CPEB2: variants seen among roughly 807,000 people sequenced by gnomAD.
The protein encoded by CPEB2 is cytoplasmic polyadenylation element binding protein 2, also known as cytoplasmic polyadenylation element-binding protein 2.
CPEB2 carries 56 observed loss-of-function variants against 93.6 expected under a neutral mutation model. The observed-to-expected ratio is 0.60, with a 90% CI of 0.48 to 0.75. The LOEUF (loss-of-function observed/expected upper bound fraction) is 0.75, where lower values mean the gene tolerates loss of function less well. Ranked by LOEUF, CPEB2 falls within the 30% of genes least tolerant of loss-of-function variation. The pLI is 0.00. For missense variants in CPEB2, 1,579 were observed against 1,395.1 expected, an observed-to-expected ratio of 1.13 and a Z score of -2.10; for synonymous variants, 764 against 586.3, an observed-to-expected ratio of 1.30 and a Z score of -4.38.
rs1051981993 is a variant in CPEB2 at position 15,003,353 on chromosome 4, G to A, written c.680G>A (p.Arg227His). The A allele has an allele frequency of 3.4e-5, 47 of 1,389,534 alleles. No individual in the cohort carries two copies. Among genetic ancestry groups the A allele is most frequent in the Non-Finnish European group, 4.1e-5 (45 of 1,084,852 alleles). 86.1% of individuals were successfully genotyped at this position (1,389,534 alleles called of 1,614,324 possible). ...CTCCAGCCGGCGCAGCTCGCTCAGC[G>A]CCAGCAGCAACAGCCGCCGCAGCAG... ...PLLQPAQLAQRQQQQPPQQFS... is the reference protein window; with the variant it reads ...PLLQPAQLAQHQQQQPPQQFS... The change falls in exon 1 of 12, where the codon CGC (arginine) becomes CAC (histidine). Residue 227 changes from arginine (R) to histidine (H), a missense_variant. Transcript: ENST00000538197.
chr4:15,018,965 T>C (rs1008347149), intron 4 of CPEB2, among the ~76,000 whole-genome samples: 5 of 102,956 alleles, frequency 4.9e-5, no homozygotes, highest in African/African-American at 1.5e-4. Flanking sequence ...TATATATATA[T>C]ATATACACAC....
chr4:15,061,181 A>G (rs1208320965), intron 10 of CPEB2, among the ~76,000 whole-genome samples: 1 of 152,168 alleles, frequency 6.6e-6, no homozygotes, highest in Admixed American at 6.5e-5. Flanking sequence ...AGAGGTCCAC[A>G]CTAGAGATAA....
chr4:15,030,881 C>CTA (rs1216026701), intron 4 of CPEB2, among the ~76,000 whole-genome samples: 1 of 152,002 alleles, frequency 6.6e-6, no homozygotes, highest in Non-Finnish European at 1.5e-5. Flanking sequence ...AGCAGTGAAA[C>CTA]TATTTTATTA....
intron 10 of CPEB2, among the ~76,000 whole-genome samples, chr4:15,059,963 AG>A (rs1426896476): frequency 1.3e-5 from 2 of 152,190 alleles, no homozygotes; most frequent in African/African-American, 4.8e-5. Context: ...TCTACAAAGA[AG>A]TACTATAGGG....
At chr4:15,066,050 T>A in intron 11 of CPEB2, 103 bp from the exon 12 acceptor site, 1 of 987,256 alleles carries the variant, frequency 1.0e-6, no homozygotes, top group Non-Finnish European at 1.5e-6. Flanking sequence ...TTCCTCAGCT[T>A]TTAATGCTGG....
rs779566751 is a variant in CPEB2 at position 15,020,455 on chromosome 4, C to A, written c.2125+3177C>A. ...GCTAAGTGGCAGGTTCCTGACCTAA[C>A]TGAGGACTGGTGATTGTGCTAACAG... On this transcript the variant is annotated intron_variant, in intron 4 of 11. Transcript: ENST00000538197. Among the ~76,000 whole-genome samples the A allele has an allele frequency of 1.2e-4, 18 of 152,126 alleles. 1 individual carries two copies. Among genetic ancestry groups the A allele is most frequent in the Non-Finnish European group, 2.1e-4 (14 of 68,020 alleles).
Position 15,069,548 on chromosome 4 carries a change from T to A in CPEB2, c.*3168T>A, listed in dbSNP as rs897104173. On this transcript the variant is annotated 3_prime_UTR_variant, in exon 12 of 12. Transcript: ENST00000538197. ...TGTTTTGCTAACAAAAGGAGAGACT[T>A]TTTTCATGCATATTTCTATTTTGTT... 1 of 152,244 alleles carries A rather than the reference T, an allele frequency of 6.6e-6. No individual in the cohort carries two copies. The highest frequency in any genetic ancestry group is 1.5e-5 in the Non-Finnish European group (1 of 67,840). The allele number at this position is 152,244 out of a possible 1,614,324, so 9.4% of individuals were successfully genotyped here. A position where few individuals can be genotyped will look rare whatever the true frequency, so the allele number is the denominator to read the frequency against.
chr4:15,015,677 T>A (rs1724046142), intron 3 of CPEB2, among the ~76,000 whole-genome samples: 1 of 152,028 alleles, frequency 6.6e-6, no homozygotes, highest in Non-Finnish European at 1.5e-5. Context: ...TGATGAAAGC[T>A]ATAAACCTTT....
intron 4 of CPEB2, among the ~76,000 whole-genome samples, chr4:15,023,477 CA>C (rs1163489557): frequency 6.6e-6 from 1 of 152,006 alleles, no homozygotes; most frequent in Non-Finnish European, 1.5e-5. Flanking sequence ...ACTTATCTCA[CA>C]AACTAAAATA....
intron 10 of CPEB2, 115 bp downstream of exon 10, chr4:15,059,416 G>A: frequency 1.8e-6 from 1 of 544,400 alleles, no homozygotes; most frequent in South Asian, 3.4e-5. Context: ...AGCAGGAGCA[G>A]ATTCTGCATG....
rs1343512645 is a variant in CPEB2 at position 15,067,638 on chromosome 4, T to C, written c.*1258T>C. On this transcript the variant is annotated 3_prime_UTR_variant, in exon 12 of 12. Transcript: ENST00000538197. Reference sequence around the variant, plus strand: ...TAAAAATCTGAATTTTTTAGAAGAATGCAAAACTTTAGTAAACCCTAAGTA... The same window carrying C: ...TAAAAATCTGAATTTTTTAGAAGAACGCAAAACTTTAGTAAACCCTAAGTA... 1 of 152,388 alleles carries C rather than the reference T, an allele frequency of 6.6e-6. No individual in the cohort carries two copies. Among genetic ancestry groups the C allele is most frequent in the Non-Finnish European group, 1.5e-5 (1 of 67,934 alleles). 9.4% of individuals were successfully genotyped at this position (152,388 alleles called of 1,614,324 possible). A position where few individuals can be genotyped will look rare whatever the true frequency, so the allele number is the denominator to read the frequency against.
In CPEB2 at chr4:15,004,318, T is replaced by C. The variant is rs1722480620; in HGVS notation, c.1645T>C (p.Ser549Pro). The change falls in exon 1 of 12, where the codon TCC (serine) becomes CCC (proline). Residue 549 changes from serine (S) to proline (P), a missense_variant. Transcript: ENST00000538197. The part of the protein sequence containing the change: ...AAAAFLQQRN[S>P]YNHHQPLLKQ... ...CGCCGCCTTCCTGCAGCAGAGGAAC[T>C]CCTATAACCACCACCAGGTACGGCG... is the stretch of plus-strand genomic sequence containing the variant. 6.8e-7 allele frequency: 1 copy of C among 1,480,516 alleles called. No individual in the cohort carries two copies. Among genetic ancestry groups the C allele is most frequent in the Admixed American group, 2.4e-5 (1 of 42,196 alleles). 91.7% of individuals were successfully genotyped at this position (1,480,516 alleles called of 1,614,324 possible). A position where few individuals can be genotyped will look rare whatever the true frequency, so the allele number is the denominator to read the frequency against.
At chr4:15,047,552 T>G (rs1022148055) in intron 6 of CPEB2, among the ~76,000 whole-genome samples, 1 of 152,278 alleles carries the variant, frequency 6.6e-6, no homozygotes, top group South Asian at 2.1e-4. Flanking sequence ...TTTCCCAGTT[T>G]ATTACTAGCA....
chr4:15,003,805 G>C lies in CPEB2; in HGVS notation c.1132G>C (p.Gly378Arg). The change falls in exon 1 of 12, where the codon GGC becomes CGC. Residue 378 changes from glycine to arginine, a missense_variant. Coordinates refer to ENST00000538197, the MANE Select transcript of CPEB2 (RefSeq NM_001177382.2). ...CTCCGCGTCGCCGCCGCCGCTGCCC[G>C]GCTTCGGCACCCCCTGGTCGGTGCA... ...GGSASPPPLP[G>R]FGTPWSVQTA... 9.8e-7 allele frequency: 1 copy of C among 1,018,980 alleles called. No individual in the cohort carries two copies. Among genetic ancestry groups the C allele is most frequent in the Non-Finnish European group, 1.2e-6 (1 of 807,194 alleles). The allele number at this position is 1,018,980 out of a possible 1,614,324, so 63.1% of individuals were successfully genotyped here. A position where few individuals can be genotyped will look rare whatever the true frequency, so the allele number is the denominator to read the frequency against.
chr4:15,057,876 C>G (rs1453184167), intron 8 of CPEB2, among the ~76,000 whole-genome samples: 1 of 152,118 alleles, frequency 6.6e-6, no homozygotes, highest in African/African-American at 2.4e-5. Context: ...AATGTTTCCT[C>G]TGCTTAGGGG....
chr4:15,058,076 C>G (rs976159284), intron 8 of CPEB2, among the ~76,000 whole-genome samples: 3 of 152,166 alleles, frequency 2.0e-5, no homozygotes, highest in Admixed American at 2.0e-4. Flanking sequence ...TGAAATTATT[C>G]AACCATTTAC....
intron 8 of CPEB2, among the ~76,000 whole-genome samples, chr4:15,058,018 G>A (rs1451796518): frequency 1.3e-5 from 2 of 152,186 alleles, no homozygotes; most frequent in Non-Finnish European, 2.9e-5. Flanking sequence ...TAAGAAGGTA[G>A]TATCACTACT....
intron 11 of CPEB2, among the ~76,000 whole-genome samples, chr4:15,063,098 G>C (rs867334257): frequency 3.9e-5 from 6 of 152,002 alleles, no homozygotes; most frequent in Non-Finnish European, 7.4e-5. Context: ...TGAATTAGTA[G>C]ATAGAAGATA....
At chr4:15,046,975 G>A (rs941186362) in intron 6 of CPEB2, among the ~76,000 whole-genome samples, 2 of 152,132 alleles carry the variant, frequency 1.3e-5, no homozygotes, top group African/African-American at 4.8e-5. Flanking sequence ...TCAGTATGGT[G>A]TGATACAAGG....
Sources: allele counts gnomAD v4.1 joint callset (sites outside exome capture counted in the v4.1 genomes callset), GRCh38; gene constraint gnomAD v4.1.1; transcripts MANE v1.5; gene names NCBI Gene and HGNC (gene_info 2026-07-23, HGNC 2026-07-21).